MED17: variants seen among roughly 807,000 people sequenced by gnomAD.
The protein encoded by MED17 is mediator of RNA polymerase II transcription subunit 17.
In MED17, 49 loss-of-function variants were observed where a neutral mutation model predicts 80.8. The observed-to-expected ratio is 0.61, with a 90% CI of 0.48 to 0.77. The LOEUF (loss-of-function observed/expected upper bound fraction) is 0.77. Among genes scored for constraint, MED17 ranks in the 30% least tolerant of loss-of-function variants. The pLI, the probability that MED17 is intolerant of heterozygous loss-of-function variation, is 0.00. For synonymous variants in MED17, 281 were observed against 280.4 expected (o/e 1.00, Z -0.02); for missense variants, 718 against 787.0 (o/e 0.91, Z 1.05).
Position 93,807,649 on chromosome 11 carries a change from A to G in MED17, c.1584+14A>G. On this transcript the variant is annotated intron_variant, in intron 10 of 11. Coordinates refer to ENST00000251871, the MANE Select transcript of MED17 (RefSeq NM_004268.5). ...CTTCTGTCTCAGGTAACAGTTGCAGATTTTGTCTTAAGCCCCCTTCTTCGC... is the reference window on the plus strand; with the variant it reads ...CTTCTGTCTCAGGTAACAGTTGCAGGTTTTGTCTTAAGCCCCCTTCTTCGC... 1.4e-6 allele frequency: 2 copies of G among 1,472,518 alleles called. No individual in the cohort carries two copies. The highest frequency in any genetic ancestry group is 1.9e-6 in the Non-Finnish European group (2 of 1,051,368). 91.2% of individuals were successfully genotyped at this position (1,472,518 alleles called of 1,614,324 possible).
chr11:93,811,677 T>C (rs1944086393), intron 11 of MED17, 176 bp from the exon 12 acceptor site: 1 of 618,768 alleles, frequency 1.6e-6, no homozygotes. Flanking sequence ...TCCTCTTATA[T>C]AGAAGTTAGA....
intron 7 of MED17, chr11:93,796,819 C>G: frequency 2.5e-6 from 1 of 405,790 alleles, no homozygotes. Flanking sequence ...TGATTCTGAC[C>G]GGGGGAGTTA....
intron 1 of MED17, among the ~76,000 whole-genome samples, chr11:93,787,658 T>C (rs1943784623): frequency 6.6e-6 from 1 of 152,238 alleles, no homozygotes; most frequent in African/African-American, 2.4e-5. Flanking sequence ...TACTTTTCTG[T>C]ATTTTGGAAA....
chr11:93,797,483 A>G, intron 7 of MED17, 52 bp from the exon 8 acceptor site: 1 of 1,483,282 alleles, frequency 6.7e-7, no homozygotes. Flanking sequence ...ACTAAATATT[A>G]TGTAGCATTT....
At chr11:93,787,912 T>C (rs1943786526) in intron 1 of MED17, 89 bp from the exon 2 acceptor site, 1 of 1,056,632 alleles carries the variant, frequency 9.5e-7, no homozygotes, top group Non-Finnish European at 1.5e-6. Flanking sequence ...TTATTTCTCC[T>C]TTTAGTACTT....
intron 9 of MED17, among the ~76,000 whole-genome samples, chr11:93,803,991 ATGTG>A (rs146297693): frequency 0.012 from 1,560 of 134,834 alleles, 56 homozygotes; most frequent in African/African-American, 0.044. Flanking sequence ...GTGTGTATAT[ATGTG>A]TGTGTATATA....
rs574780505 is a variant in MED17, at chr11:93,790,979, G to A, written c.637+186G>A. ...AAAAATTAGCCAGGCGTGGTAACAC[G>A]CACCTGTAATCCTAGCTACTTGGGA... On this transcript the variant is annotated intron_variant, in intron 3 of 11. Coordinates refer to ENST00000251871, the MANE Select transcript of MED17 (RefSeq NM_004268.5). Among the ~76,000 whole-genome samples the A allele has an allele frequency of 7.2e-5, 11 of 152,264 alleles. No individual in the cohort carries two copies. The South Asian group carries it at 1.5e-3, about 20-fold the overall frequency.
At chr11:93,804,557 A>G (rs1050308195) in intron 9 of MED17, among the ~76,000 whole-genome samples, 1 of 152,220 alleles carries the variant, frequency 6.6e-6, no homozygotes, top group Non-Finnish European at 1.5e-5. Flanking sequence ...TGTATTTACA[A>G]GCATATATAT....
Position 93,807,633 on chromosome 11 carries a change from C to T in MED17, c.1582C>T (p.Gln528Ter), listed in dbSNP as rs372113766. ...GGAGCTACAGGATTTTCTTCTGTCT[C>T]AGGTAACAGTTGCAGATTTTGTCTT... ...EQELQDFLLSQMSQHQVHAVQ... is the reference protein window; with the variant it reads ...EQELQDFLLS Residue 528 changes from glutamine (Q) to a stop codon, truncating the protein, a stop_gained and splice_region_variant, in exon 10 of 12, where the codon CAG becomes TAG. Transcript: ENST00000251871. LOFTEE classifies it high-confidence loss of function. 1.9e-6 allele frequency: 3 copies of T among 1,574,456 alleles called. No individual in the cohort carries two copies. The highest frequency in any genetic ancestry group is 2.6e-6 in the Non-Finnish European group (3 of 1,144,090).
intron 2 of MED17, 132 bp downstream of exon 2, chr11:93,788,299 G>C (rs779427295): frequency 1.4e-6 from 1 of 723,806 alleles, no homozygotes; most frequent in Non-Finnish European, 2.3e-6. Context: ...AAGACTAACT[G>C]GTCTAAAACA....
chr11:93,791,147 G>A (rs1002178253), intron 3 of MED17, among the ~76,000 whole-genome samples: 9 of 152,120 alleles, frequency 5.9e-5, no homozygotes, highest in African/African-American at 2.2e-4. Flanking sequence ...TAAGTATAAT[G>A]TTAAACATCC....
In MED17 at chr11:93,814,937, T is replaced by C. The variant is rs1029044705; in HGVS notation, c.*2873T>C. ...CATGCCTGGCCTCCTTAGGTATTGC[T>C]GATGAATAAAAACAGGGGCAACTAC... On this transcript the variant is annotated 3_prime_UTR_variant, in exon 12 of 12. Coordinates refer to ENST00000251871, the MANE Select transcript of MED17 (RefSeq NM_004268.5). The C allele has an allele frequency of 6.6e-6, 1 of 152,158 alleles. No individual in the cohort carries two copies. Among genetic ancestry groups the C allele is most frequent in the Non-Finnish European group, 1.5e-5 (1 of 68,030 alleles). 9.4% of individuals were successfully genotyped at this position (152,158 alleles called of 1,614,324 possible).
intron 2 of MED17, chr11:93,789,444 C>T (rs1943807475): frequency 6.6e-6 from 1 of 152,170 alleles, no homozygotes; most frequent in Non-Finnish European, 1.5e-5. Flanking sequence ...TTCTTAATAT[C>T]TCCAGGAACT....
At chr11:93,797,502 G>A (rs1235701586) in intron 7 of MED17, 33 bp from the exon 8 acceptor site, 1 of 1,570,106 alleles carries the variant, frequency 6.4e-7, no homozygotes, top group Non-Finnish European at 8.8e-7. Context: ...TTACTATGTG[G>A]ATATTGGTAT....
In MED17 at chr11:93,784,356, G is replaced by T; in HGVS notation, c.-158G>T. On this transcript the variant is annotated 5_prime_UTR_variant, in exon 1 of 12. Coordinates refer to ENST00000251871, the MANE Select transcript of MED17 (RefSeq NM_004268.5). ...GGAAAGTTGCTGGGCCAGCTCCTTT[G>T]TTTCCAGTCTGAGCGTTGCGTTCGG... The T allele has an allele frequency of 1.0e-6, 1 of 971,818 alleles. No individual in the cohort carries two copies. The highest frequency in any genetic ancestry group is 1.5e-6 in the Non-Finnish European group (1 of 679,532). 60.2% of individuals were successfully genotyped at this position (971,818 alleles called of 1,614,324 possible).
chr11:93,807,896 C>T, intron 10 of MED17: 2 of 476,808 alleles, frequency 4.2e-6, no homozygotes, highest in South Asian at 4.4e-5. Context: ...GTTTTTTTTC[C>T]CACATGTCAT....
Position 93,814,712 on chromosome 11 carries a change from C to T in MED17, c.*2648C>T, listed in dbSNP as rs901004402. On this transcript the variant is annotated 3_prime_UTR_variant, in exon 12 of 12. Transcript: ENST00000251871. ...TTAGAAAAAATGGTTGAGACACCAG[C>T]TGTATTTATTAGGAGAAAGCATTTC... 13 of 152,146 alleles carry T rather than the reference C, an allele frequency of 8.5e-5. No individual in the cohort carries two copies. The highest frequency in any genetic ancestry group is 8.5e-4 in the Admixed American group (13 of 15,280). The allele number at this position is 152,146 out of a possible 1,614,324, so 9.4% of individuals were successfully genotyped here. A position where few individuals can be genotyped will look rare whatever the true frequency, so the allele number is the denominator to read the frequency against.
intron 9 of MED17, among the ~76,000 whole-genome samples, chr11:93,803,229 C>T (rs952807544): frequency 2.0e-5 from 3 of 152,098 alleles, no homozygotes; most frequent in Non-Finnish European, 2.9e-5. Context: ...GGAGTAGGGG[C>T]AGAAAAATAC....
chr11:93,794,199 A>ATTTT lies in MED17; in HGVS notation c.859+183_859+186dup, dbSNP rs35300764. On this transcript the variant is annotated intron_variant, in intron 5 of 11. Coordinates refer to ENST00000251871, the MANE Select transcript of MED17 (RefSeq NM_004268.5). The stretch of plus-strand genomic sequence containing the variant: ...TAAACTATTAGTGAATAGCTGTGCA[A>ATTTT]TTTTTTTTTTTTTTTTTTTTTTGAG... 199 of 327,928 alleles carry ATTTT rather than the reference A, an allele frequency of 6.1e-4. 2 individuals carry two copies. The highest frequency in any genetic ancestry group is 3.8e-3 in the African/African-American group (132 of 34,452). The allele number at this position is 327,928 out of a possible 1,614,324, so 20.3% of individuals were successfully genotyped here. A position where few individuals can be genotyped will look rare whatever the true frequency, so the allele number is the denominator to read the frequency against.
Sources: allele counts gnomAD v4.1 joint callset (sites outside exome capture counted in the v4.1 genomes callset), GRCh38; gene constraint gnomAD v4.1.1; transcripts MANE v1.5; gene names NCBI Gene and HGNC (gene_info 2026-07-23, HGNC 2026-07-21).